Variants in RNF145 observed in about 807,000 individuals in gnomAD.
The protein encoded by RNF145 is ring finger protein 145.
RNF145 carries 12 observed loss-of-function variants against 57.3 expected under a neutral mutation model. The observed-to-expected ratio is 0.21, with a 90% CI of 0.13 to 0.34. RNF145 has a LOEUF of 0.34. Among genes scored for constraint, RNF145 ranks in the 10% least tolerant of loss-of-function variants. The pLI is 1.00. For synonymous variants in RNF145, 262 were observed against 288.3 expected (o/e 0.91, Z 0.92); for missense variants, 429 against 799.0 (o/e 0.54, Z 5.58).
chr5:159,158,196 C>T lies in RNF145; in HGVS notation c.*474G>A, dbSNP rs1399832985. 7 of 162,258 alleles carry T rather than the reference C, an allele frequency of 4.3e-5. No homozygotes were observed. The highest frequency in any genetic ancestry group is 6.8e-5 in the Non-Finnish European group (5 of 73,228). 10.1% of individuals were successfully genotyped at this position (162,258 alleles called of 1,614,324 possible). On this transcript the variant is annotated 3_prime_UTR_variant, in exon 11 of 11. Coordinates refer to ENST00000424310, the MANE Select transcript of RNF145 (RefSeq NM_001199383.2). ...TGAGCTCCAATTAACTGAGGAGAAA[C>T]GGGGTGGAGGAGAGGGCTGGTTGCT...
At chr5:159,187,215 G>A (rs934284114) in intron 3 of RNF145, among the ~76,000 whole-genome samples, 1 of 151,806 alleles carries the variant, frequency 6.6e-6, no homozygotes, top group Admixed American at 6.6e-5. Context: ...CCAGGAGGTG[G>A]AGGTTGCAGT....
At chr5:159,163,166 T>C in intron 8 of RNF145, 87 bp from the exon 9 acceptor site, 1 of 1,265,154 alleles carries the variant, frequency 7.9e-7, no homozygotes, top group Non-Finnish European at 1.1e-6. Context: ...TCTGGTGCCA[T>C]GATCAAATTT....
intron 1 of RNF145, chr5:159,207,704 T>C (rs759232490): frequency 4.3e-6 from 7 of 1,612,914 alleles, no homozygotes; most frequent in African/African-American, 4.0e-5. Context: ...ATGTTTTAAA[T>C]ATAGCTGGTC....
chr5:159,200,342 T>A (rs1785619645), intron 2 of RNF145, among the ~76,000 whole-genome samples: 1 of 151,398 alleles, frequency 6.6e-6, no homozygotes, highest in Non-Finnish European at 1.5e-5. Context: ...CCTCAACAAA[T>A]AAGACAGCGT....
At chr5:159,200,381 C>T (rs1178741583) in intron 2 of RNF145, among the ~76,000 whole-genome samples, 2 of 151,752 alleles carry the variant, frequency 1.3e-5, no homozygotes, top group African/African-American at 2.4e-5. Flanking sequence ...GGCAGACAGA[C>T]TAAAGGAAGA....
intron 1 of RNF145, chr5:159,207,630 TAAGTAA>T: frequency 6.2e-7 from 1 of 1,602,056 alleles, no homozygotes. Flanking sequence ...CCTAAAATTC[TAAGTAA>T]AAGCCCAGAA....
intron 3 of RNF145, among the ~76,000 whole-genome samples, chr5:159,187,315 GT>G (rs113391374): frequency 2.5e-4 from 36 of 145,980 alleles, no homozygotes; most frequent in South Asian, 2.2e-3. Context: ...AATTTATCTA[GT>G]TTTTTTTTTT....
intron 1 of RNF145, among the ~76,000 whole-genome samples, chr5:159,208,507 GA>G (rs1785982447): frequency 6.6e-6 from 1 of 152,076 alleles, no homozygotes; most frequent in Admixed American, 6.5e-5. Context: ...AAACCACGGG[GA>G]CAAAAAGGAA....
Position 159,161,577 on chromosome 5 carries a change from A to G in RNF145, c.1315T>C (p.Phe439Leu). Residue 439 changes from phenylalanine to leucine, a missense_variant, in exon 10 of 11, where the codon TTC becomes CTC. This residue lies in a region of RNF145 where 216 missense variants were observed against 457.6 expected (regional missense o/e 0.47). Transcript: ENST00000424310. ...FIYVLFMVEE[F>L]RKEPVENMDD... is the part of the protein sequence containing the mutation. ...ATGTTTTCCACTGGCTCTTTTCTGAATTCCTCAACCATAAATAAGACATAA... is the reference window on the plus strand; with the variant it reads ...ATGTTTTCCACTGGCTCTTTTCTGAGTTCCTCAACCATAAATAAGACATAA... 10 of 1,612,970 alleles carry G rather than the reference A, an allele frequency of 6.2e-6. No homozygotes were observed. Among genetic ancestry groups the G allele is most frequent in the Non-Finnish European group, 8.5e-6 (10 of 1,179,462 alleles).
chr5:159,160,882 A>T (rs1288486904), intron 10 of RNF145, among the ~76,000 whole-genome samples: 2 of 152,162 alleles, frequency 1.3e-5, no homozygotes. Context: ...CTCTGGAAAT[A>T]CTAGAGGGAA....
intron 4 of RNF145, 93 bp from the exon 5 acceptor site, chr5:159,176,960 C>A: frequency 1.5e-6 from 1 of 685,842 alleles, no homozygotes; most frequent in Non-Finnish European, 2.5e-6. Context: ...GATAATAACA[C>A]AACTTTTGAA....
chr5:159,178,083 AT>A (rs375495852), intron 4 of RNF145, among the ~76,000 whole-genome samples: 1 of 151,636 alleles, frequency 6.6e-6, no homozygotes, highest in Non-Finnish European at 1.5e-5. Flanking sequence ...TAGTCAAACC[AT>A]TTTTTTTCTT....
Position 159,209,225 on chromosome 5 carries a change from G to C in RNF145, c.-40+6C>G. 2.0e-6 allele frequency: 2 copies of C among 983,382 alleles called. No individual in the cohort carries two copies. The highest frequency in any genetic ancestry group is 1.7e-5 in the African/African-American group (1 of 57,274). The allele number at this position is 983,382 out of a possible 1,614,324, so 60.9% of individuals were successfully genotyped here. Reference sequence around the variant, plus strand: ...TGGGAAGGGGCCGGGCGGGCGGCGTGGTCACCTCAGGCTGCGGACTCCCTC... The same window carrying C: ...TGGGAAGGGGCCGGGCGGGCGGCGTCGTCACCTCAGGCTGCGGACTCCCTC... On this transcript the variant is annotated splice_donor_region_variant and intron_variant, in intron 1 of 10. Coordinates refer to ENST00000424310, the MANE Select transcript of RNF145 (RefSeq NM_001199383.2).
At chr5:159,192,632 C>G (rs745645561) in intron 3 of RNF145, among the ~76,000 whole-genome samples, 1 of 152,180 alleles carries the variant, frequency 6.6e-6, no homozygotes, top group Non-Finnish European at 1.5e-5. Flanking sequence ...TCACCAAGTA[C>G]TCACTATGTC....
At position 159,184,985 on chromosome 5, in the gene RNF145, C is replaced by T. The variant is rs569290949; in HGVS notation, c.294-2934G>A. 2.0e-5 allele frequency among the ~76,000 whole-genome samples: 3 copies of T among 152,286 alleles called. No individual in the cohort carries two copies. The South Asian group carries it at 6.2e-4, about 32-fold the overall frequency. On this transcript the variant is annotated intron_variant, in intron 3 of 10. Transcript: ENST00000424310. ...TGATGTTAAGTGGTTTCCTCCCACTCGCTCTCCTTACTTTGTCCTCCTCTA... is the reference window on the plus strand; with the variant it reads ...TGATGTTAAGTGGTTTCCTCCCACTTGCTCTCCTTACTTTGTCCTCCTCTA...
At chr5:159,186,318 A>G (rs1044996547) in intron 3 of RNF145, among the ~76,000 whole-genome samples, 2 of 152,252 alleles carry the variant, frequency 1.3e-5, no homozygotes, top group African/African-American at 2.4e-5. Context: ...GTTACAAAAA[A>G]TAAATGGGTA....
chr5:159,164,892 C>T (rs1047583096), intron 8 of RNF145, among the ~76,000 whole-genome samples: 1 of 152,226 alleles, frequency 6.6e-6, no homozygotes, highest in African/African-American at 2.4e-5. Flanking sequence ...ACAGTTCAAG[C>T]AACTCCAAAG....
chr5:159,206,666 A>C (rs932906202), intron 1 of RNF145, among the ~76,000 whole-genome samples: 17 of 152,320 alleles, frequency 1.1e-4, no homozygotes, highest in Admixed American at 3.3e-4. Context: ...AGGGCTAATC[A>C]GCATATCCTA....
chr5:159,167,399 A>G (rs1028825633), intron 8 of RNF145, among the ~76,000 whole-genome samples: 5 of 152,190 alleles, frequency 3.3e-5, no homozygotes, highest in Non-Finnish European at 5.9e-5. Flanking sequence ...TCTCCTCTGC[A>G]TCTAATTTTG....
Sources: allele counts gnomAD v4.1 joint callset (sites outside exome capture counted in the v4.1 genomes callset), GRCh38; gene constraint gnomAD v4.1.1; regional missense constraint gnomAD v4.1.1; transcripts MANE v1.5; gene names NCBI Gene and HGNC (gene_info 2026-07-23, HGNC 2026-07-21).